PLLP: variants seen among roughly 807,000 people sequenced by gnomAD.
PLLP encodes plasmolipin.
In PLLP, 15 loss-of-function variants were observed where a neutral mutation model predicts 19.7. The ratio of observed to expected loss-of-function variants is 0.76; its 90% confidence interval spans 0.51 to 1.17. PLLP has a LOEUF of 1.17. Among genes scored for constraint, PLLP ranks in the 50% most tolerant of loss-of-function variants. The probability of loss-of-function intolerance (pLI) is 0.00; values close to 1 mark genes in which losing one functional copy is unlikely to be tolerated. For missense variants in PLLP, 255 were observed against 258.3 expected, an observed-to-expected ratio of 0.99 and a Z score of 0.09; for synonymous variants, 111 against 116.3, an observed-to-expected ratio of 0.95 and a Z score of 0.29.
chr16:57,258,491 G>T lies in PLLP; in HGVS notation c.403C>A (p.Arg135=), dbSNP rs35274397. Residue 135 remains arginine, a synonymous_variant, in exon 3 of 4, where the codon CGG becomes AGG. Coordinates refer to ENST00000219207, the MANE Select transcript of PLLP (RefSeq NM_015993.3). ...GCAGCCGCGCGCTGGTTATAAGGCC[G>T]GGTGCCCCTCAGGGATGTCAGGTCA... ...AVDLTSLRGT[R]PYNQRAAASF... 1 of 1,612,670 alleles carries T rather than the reference G, an allele frequency of 6.2e-7. No individual in the cohort carries two copies. Among genetic ancestry groups the T allele is most frequent in the African/African-American group, 1.3e-5 (1 of 75,054 alleles).
At chr16:57,283,890 G>C (rs1041986948) in intron 1 of PLLP, among the ~76,000 whole-genome samples, 3 of 152,202 alleles carry the variant, frequency 2.0e-5, no homozygotes, top group Non-Finnish European at 4.4e-5. Context: ...ATTAGATGAG[G>C]AATGTTCATG....
At chr16:57,262,615 G>T (rs2146439859) in intron 1 of PLLP, among the ~76,000 whole-genome samples, 1 of 152,128 alleles carries the variant, frequency 6.6e-6, no homozygotes, top group African/African-American at 2.4e-5. Context: ...CGCACCTGTG[G>T]TCCCAGCTAC....
chr16:57,283,991 C>A (rs1364096287), intron 1 of PLLP, among the ~76,000 whole-genome samples: 1 of 151,970 alleles, frequency 6.6e-6, no homozygotes, highest in Non-Finnish European at 1.5e-5. Flanking sequence ...GGGCTGGGGG[C>A]ACTGTCCGGG....
At chr16:57,275,641 C>CAAAAAAAAAAAAAAAAAAAAAAA in intron 1 of PLLP, among the ~76,000 whole-genome samples, 1 of 41,384 alleles carries the variant, frequency 2.4e-5, no homozygotes, top group Middle Eastern at 0.024. Flanking sequence ...TTTTGCAAGG[C>CAAAAAAAAAAAAAAAAAAAAAAA]AAAAAAAAAA....
intron 1 of PLLP, among the ~76,000 whole-genome samples, chr16:57,281,249 G>C (rs1458421643): frequency 6.6e-6 from 1 of 152,134 alleles, no homozygotes; most frequent in Non-Finnish European, 1.5e-5. Flanking sequence ...CTGTGGAGGA[G>C]GGCTGTGAGA....
chr16:57,270,875 C>T (rs1297380280), intron 1 of PLLP, among the ~76,000 whole-genome samples: 2 of 152,140 alleles, frequency 1.3e-5, no homozygotes, highest in South Asian at 2.1e-4. Context: ...TCTCTTTTCT[C>T]GTCGGAAAAA....
intron 1 of PLLP, among the ~76,000 whole-genome samples, chr16:57,270,318 ATCCACAGCCCCCAAGTCCT>A (rs2075470726): frequency 1.1e-5 from 1 of 90,458 alleles, no homozygotes; most frequent in Non-Finnish European, 2.1e-5. Flanking sequence ...CCCTGAGTCC[ATCCACAGCCCCCAAGTCCT>A]TCCACAGCCC....
At chr16:57,259,021 AC>A (rs1303580348) in intron 2 of PLLP, among the ~76,000 whole-genome samples, 1 of 151,908 alleles carries the variant, frequency 6.6e-6, no homozygotes, top group East Asian at 1.9e-4. Context: ...GGTGATGCAA[AC>A]ACCTGGGTCT....
chr16:57,266,017 G>C (rs1400629756), intron 1 of PLLP, among the ~76,000 whole-genome samples: 1 of 152,112 alleles, frequency 6.6e-6, no homozygotes, highest in Non-Finnish European at 1.5e-5. Context: ...CAGAGACCCT[G>C]TCTCAAAAAA....
chr16:57,268,487 G>GGTTTT (rs1422326549), intron 1 of PLLP, among the ~76,000 whole-genome samples: 2 of 152,192 alleles, frequency 1.3e-5, no homozygotes, highest in East Asian at 1.9e-4. Flanking sequence ...CCCCTAGGGT[G>GGTTTT]GTTTTGTTTT....
At chr16:57,272,750 G>A (rs1181411146) in intron 1 of PLLP, among the ~76,000 whole-genome samples, 1 of 151,806 alleles carries the variant, frequency 6.6e-6, no homozygotes, top group Non-Finnish European at 1.5e-5. Flanking sequence ...CCAGGAATTT[G>A]AGACCAGCCT....
chr16:57,268,063 G>A (rs1007045382), intron 1 of PLLP, among the ~76,000 whole-genome samples: 28 of 152,068 alleles, frequency 1.8e-4, no homozygotes, highest in African/African-American at 6.5e-4. Context: ...GCAGAGACGA[G>A]AGTGATGCAT....
Position 57,258,527 on chromosome 16 carries a change from A to G in PLLP, c.367T>C (p.Ser123Pro). Reference sequence around the variant, plus strand: ...AGGGATGTCAGGTCAACTGCCGCAGAGCAGGCGATGAAGGCGGTGATGTAG... The same window carrying G: ...AGGGATGTCAGGTCAACTGCCGCAGGGCAGGCGATGAAGGCGGTGATGTAG... Reference protein sequence around the residue: ...VLYITAFIACSAAVDLTSLRG... With the variant: ...VLYITAFIACPAAVDLTSLRG... The change falls in exon 3 of 4, where the codon TCT (serine) becomes CCT (proline). Residue 123 changes from serine to proline, a missense_variant. Coordinates refer to ENST00000219207, the MANE Select transcript of PLLP (RefSeq NM_015993.3). 1.2e-6 allele frequency: 2 copies of G among 1,613,492 alleles called. No homozygotes were observed. Among genetic ancestry groups the G allele is most frequent in the Non-Finnish European group, 1.7e-6 (2 of 1,179,906 alleles).
At chr16:57,258,667 A>T in intron 2 of PLLP, 83 bp from the exon 3 acceptor site, 1 of 1,400,222 alleles carries the variant, frequency 7.1e-7, no homozygotes, top group Non-Finnish European at 1.0e-6. Flanking sequence ...CACACCTGTA[A>T]TCCCAGCACT....
intron 2 of PLLP, among the ~76,000 whole-genome samples, chr16:57,260,373 C>T (rs900829153): frequency 6.6e-5 from 10 of 152,176 alleles, no homozygotes; most frequent in Non-Finnish European, 1.3e-4. Context: ...CTGGAGATTT[C>T]TCTCTTAGAG....
chr16:57,284,352 C>G lies in PLLP; in HGVS notation c.135+54G>C, dbSNP rs1389186022. On this transcript the variant is annotated intron_variant, in intron 1 of 3. Transcript: ENST00000219207. Reference sequence around the variant, plus strand: ...CGCAGCGCCGGAGTCCCTCACCCATCCTGGCCGGACCGGGAGCCCCCGGCC... The same window carrying G: ...CGCAGCGCCGGAGTCCCTCACCCATGCTGGCCGGACCGGGAGCCCCCGGCC... 11 of 1,311,228 alleles carry G rather than the reference C, an allele frequency of 8.4e-6. No homozygotes were observed. In the African/African-American group the frequency reaches 1.5e-4, roughly 18 times the overall value. 81.2% of individuals were successfully genotyped at this position (1,311,228 alleles called of 1,614,324 possible).
intron 1 of PLLP, among the ~76,000 whole-genome samples, chr16:57,269,978 G>A (rs969745066): frequency 2.0e-5 from 3 of 151,966 alleles, no homozygotes; most frequent in Non-Finnish European, 4.4e-5. Flanking sequence ...CATGTTGCCC[G>A]GGCTGGTCTC....
At chr16:57,275,841 C>T (rs1330228311) in intron 1 of PLLP, among the ~76,000 whole-genome samples, 3 of 152,186 alleles carry the variant, frequency 2.0e-5, no homozygotes, top group Non-Finnish European at 4.4e-5. Flanking sequence ...TAGATCCTGG[C>T]GCCGCGCCTT....
intron 1 of PLLP, among the ~76,000 whole-genome samples, chr16:57,264,513 C>T (rs1202377486): frequency 3.3e-5 from 5 of 152,336 alleles, no homozygotes; most frequent in Admixed American, 1.3e-4. Flanking sequence ...ATGACAGAGA[C>T]CAGAACCCTG....
Sources: gnomAD v4.1 joint callset for allele counts (sites outside exome capture counted in the v4.1 genomes callset) on GRCh38, gnomAD v4.1.1 for gene constraint, MANE v1.5 for transcripts, NCBI Gene and HGNC (gene_info 2026-07-23, HGNC 2026-07-21) for gene names.